POFUT3: variants seen among roughly 807,000 people sequenced by gnomAD.
POFUT3 encodes protein O-fucosyltransferase 3, also known as GDP-fucose protein O-fucosyltransferase 3.
the POFUT3 span, among the ~76,000 whole-genome samples, chr8:33,361,627 A>G: frequency 1.3e-5 from 2 of 152,202 alleles, no homozygotes; most frequent in Non-Finnish European, 2.9e-5. Context: ...GGTGGCAGCA[A>G]TTTTGTGACT....
the POFUT3 span, among the ~76,000 whole-genome samples, chr8:33,402,297 A>G: frequency 6.6e-6 from 1 of 152,240 alleles, no homozygotes; most frequent in African/African-American, 2.4e-5. Context: ...CTTTTTTTGA[A>G]AGCAAGTCTA....
At chr8:33,391,479 T>C in the POFUT3 span, among the ~76,000 whole-genome samples, 1 of 152,332 alleles carries the variant, frequency 6.6e-6, no homozygotes, top group East Asian at 1.9e-4. Flanking sequence ...CATATAAAGT[T>C]GGATGGCTGG....
the POFUT3 span, among the ~76,000 whole-genome samples, chr8:33,365,936 G>A: frequency 1.3e-5 from 2 of 152,260 alleles, no homozygotes; most frequent in South Asian, 2.1e-4. Context: ...AAATCATGCT[G>A]CTATAAAGAC....
chr8:33,352,235 C>T, the POFUT3 span, among the ~76,000 whole-genome samples: 4 of 152,148 alleles, frequency 2.6e-5, no homozygotes, highest in Non-Finnish European at 5.9e-5. Flanking sequence ...GCAAAACCAC[C>T]TTATGAGGAA....
the POFUT3 span, chr8:33,452,367 T>C: frequency 2.6e-5 from 4 of 152,154 alleles, no homozygotes; most frequent in African/African-American, 9.7e-5. Flanking sequence ...TATATTACAC[T>C]TATTTAATCA....
chr8:33,353,667 G>A, the POFUT3 span, among the ~76,000 whole-genome samples: 1 of 152,154 alleles, frequency 6.6e-6, no homozygotes, highest in African/African-American at 2.4e-5. Flanking sequence ...ACTAGTTTTG[G>A]GGTGCTTGGC....
At chr8:33,366,023 T>C in the POFUT3 span, among the ~76,000 whole-genome samples, 1 of 152,172 alleles carries the variant, frequency 6.6e-6, no homozygotes, top group African/African-American at 2.4e-5. Flanking sequence ...CCATCAATGA[T>C]AGACTGGATT....
At chr8:33,380,200 T>C in the POFUT3 span, among the ~76,000 whole-genome samples, 84 of 57,676 alleles carry the variant, frequency 1.5e-3, 8 homozygotes, top group African/African-American at 6.6e-3. Flanking sequence ...TATATATATA[T>C]ACTATATATA....
chr8:33,463,135 A>G, the POFUT3 span, among the ~76,000 whole-genome samples: 2 of 152,088 alleles, frequency 1.3e-5, no homozygotes, highest in African/African-American at 4.8e-5. Flanking sequence ...CCTGACATAC[A>G]GAGTTAAAGA....
chr8:33,468,821 C>T, the POFUT3 span, among the ~76,000 whole-genome samples: 1 of 152,012 alleles, frequency 6.6e-6, no homozygotes, highest in Non-Finnish European at 1.5e-5. Context: ...TCAATGGCTG[C>T]CCAAAGACCT....
the POFUT3 span, chr8:33,372,782 T>G: frequency 6.2e-7 from 1 of 1,613,892 alleles, no homozygotes; most frequent in Non-Finnish European, 8.5e-7. Context: ...ATCTTCTGCC[T>G]CCCATCTTTT....
chr8:33,314,574 T>C, the POFUT3 span, among the ~76,000 whole-genome samples: 1 of 152,218 alleles, frequency 6.6e-6, no homozygotes, highest in Non-Finnish European at 1.5e-5. Context: ...AGCTCACATG[T>C]GTAAAGCACT....
chr8:33,391,860 C>A, the POFUT3 span, among the ~76,000 whole-genome samples: 1 of 152,180 alleles, frequency 6.6e-6, no homozygotes, highest in South Asian at 2.1e-4. Context: ...AAACACCAGT[C>A]ACTGTCTGCT....
the POFUT3 span, among the ~76,000 whole-genome samples, chr8:33,364,595 T>C: frequency 5.3e-5 from 8 of 152,084 alleles, no homozygotes; most frequent in African/African-American, 1.7e-4. Flanking sequence ...AAAATCAATG[T>C]GCAAAAATCA....
At chr8:33,325,173 C>A in the POFUT3 span, among the ~76,000 whole-genome samples, 1 of 152,194 alleles carries the variant, frequency 6.6e-6, no homozygotes, top group East Asian at 1.9e-4. Flanking sequence ...TTCCCTTTCT[C>A]TGTCTCAATC....
the POFUT3 span, among the ~76,000 whole-genome samples, chr8:33,360,485 A>AATAG: frequency 6.6e-6 from 1 of 151,606 alleles, no homozygotes; most frequent in South Asian, 2.1e-4. Context: ...TAAATAAATA[A>AATAG]ATATCAGGAA....
chr8:33,405,524 G>A, the POFUT3 span, among the ~76,000 whole-genome samples: 1 of 152,128 alleles, frequency 6.6e-6, no homozygotes, highest in African/African-American at 2.4e-5. Context: ...AGAAATTAGT[G>A]AGTTGTAAAA....
the POFUT3 span, chr8:33,453,343 A>G: frequency 2.5e-6 from 4 of 1,614,210 alleles, no homozygotes; most frequent in Admixed American, 5.0e-5. Flanking sequence ...ACCAGAGCAT[A>G]ATGGGGTAGC....
the POFUT3 span, among the ~76,000 whole-genome samples, chr8:33,445,526 G>A: frequency 1.4e-4 from 21 of 152,138 alleles, no homozygotes; most frequent in African/African-American, 3.6e-4. Context: ...CAGGGGTGGC[G>A]GTATAAGGAA....
Sources: allele counts gnomAD v4.1 joint callset (sites outside exome capture counted in the v4.1 genomes callset), GRCh38; gene constraint gnomAD v4.1.1; transcripts MANE v1.5; gene names NCBI Gene and HGNC (gene_info 2026-07-23, HGNC 2026-07-21).